The following ZMYND19 variants were observed in gnomAD, a reference collection of about 807,000 sequenced individuals.
ZMYND19 encodes the protein zinc finger MYND domain-containing protein 19.
ZMYND19 carries 17 observed loss-of-function variants against 32.0 expected under a neutral mutation model. The observed-to-expected ratio is 0.53, with a 90% CI of 0.36 to 0.80. The LOEUF is 0.80. Ranked by LOEUF, ZMYND19 falls within the 30% of genes least tolerant of loss-of-function variation. The pLI, the probability that ZMYND19 is intolerant of heterozygous loss-of-function variation, is 0.00. For synonymous variants in ZMYND19, 124 were observed against 113.6 expected (o/e 1.09, Z -0.58); for missense variants, 250 against 293.6 (o/e 0.85, Z 1.09).
rs1320548254 is a variant in ZMYND19, at chr9:137,590,173, C to CGGGCG, written c.51+35_51+39dup. 3.4e-5 allele frequency: 35 copies of CGGGCG among 1,015,338 alleles called. No individual in the cohort carries two copies. Among genetic ancestry groups the CGGGCG allele is most frequent in the Non-Finnish European group, 4.0e-5 (34 of 856,826 alleles). 62.9% of individuals were successfully genotyped at this position (1,015,338 alleles called of 1,614,324 possible). ...CCCCGGCCCCGCGCGGAGGCCTGGA[C>CGGGCG]GGGCGAGACGGGCCGGGTCGCGGGC... On this transcript the variant is annotated intron_variant, in intron 1 of 5. Coordinates refer to ENST00000298585, the MANE Select transcript of ZMYND19 (RefSeq NM_138462.3). This position sits in a 1 kb window ranked among gnomAD's most constrained non-coding sequence, Gnocchi z 4.2.
chr9:137,585,763 C>A lies in ZMYND19; in HGVS notation c.359+1204G>T, dbSNP rs540359548. On this transcript the variant is annotated intron_variant, in intron 4 of 5. Coordinates refer to ENST00000298585, the MANE Select transcript of ZMYND19 (RefSeq NM_138462.3). ...CTGTTTCCACCTCGGCTGCCCAGGGCTCTGGCATGACTCTGAGGTGACAAC... is the reference window on the plus strand; with the variant it reads ...CTGTTTCCACCTCGGCTGCCCAGGGATCTGGCATGACTCTGAGGTGACAAC... Among the ~76,000 whole-genome samples the A allele has an allele frequency of 1.4e-4, 21 of 152,322 alleles. No homozygotes were observed. The East Asian group carries it at 3.7e-3, about 27-fold the overall frequency.
At chr9:137,589,253 G>A (rs1031561053) in intron 1 of ZMYND19, 22 of 831,698 alleles carry the variant, frequency 2.6e-5, no homozygotes, top group Non-Finnish European at 3.0e-5. Flanking sequence ...CGACCTGACT[G>A]GAGAGCCCAC....
rs1400610339 is a variant in ZMYND19, at chr9:137,587,063, T to C, written c.263A>G (p.His88Arg). ...ATTGTCCACGGTCACAGCGTTGAGG[T>C]GCACCACCTGGAAGCCCGGGGCCAC... ...GGVAPGFQVV[H>R]LNAVTVDNRL... Residue 88 changes from histidine to arginine, a missense_variant, in exon 4 of 6, where the codon CAC becomes CGC. By Grantham distance (29) the His-to-Arg change is conservative. Transcript: ENST00000298585. 2 of 1,610,244 alleles carry C rather than the reference T, an allele frequency of 1.2e-6. No individual in the cohort carries two copies. The highest frequency in any genetic ancestry group is 1.7e-6 in the Non-Finnish European group (2 of 1,180,008).
intron 5 of ZMYND19, 93 bp downstream of exon 5, chr9:137,582,890 A>T: frequency 1.3e-6 from 2 of 1,553,160 alleles, no homozygotes; most frequent in Non-Finnish European, 1.7e-6. Context: ...GTCTCTGGGG[A>T]ATGGGACCCC....
chr9:137,582,446 T>A lies in ZMYND19; in HGVS notation c.*97A>T. 1 of 1,510,728 alleles carries A rather than the reference T, an allele frequency of 6.6e-7. No homozygotes were observed. The highest frequency in any genetic ancestry group is 8.8e-7 in the Non-Finnish European group (1 of 1,129,978). The allele number at this position is 1,510,728 out of a possible 1,614,324, so 93.6% of individuals were successfully genotyped here. On this transcript the variant is annotated 3_prime_UTR_variant, in exon 6 of 6. Transcript: ENST00000298585. Reference sequence around the variant, plus strand: ...ACGGCAGCTGTCCTGGGCCCGCAGCTGGCTTTTTTGGCACCTCCAGGTTCA... The same window carrying A: ...ACGGCAGCTGTCCTGGGCCCGCAGCAGGCTTTTTTGGCACCTCCAGGTTCA...
intron 2 of ZMYND19, among the ~76,000 whole-genome samples, chr9:137,588,427 A>C (rs1188389615): frequency 4.0e-5 from 6 of 151,018 alleles, no homozygotes; most frequent in Non-Finnish European, 8.8e-5. Flanking sequence ...AGTGAGGAAG[A>C]CCACTGTCGC....
At chr9:137,582,875 A>G (rs1488881557) in intron 5 of ZMYND19, 108 bp downstream of exon 5, 7 of 1,531,698 alleles carry the variant, frequency 4.6e-6, no homozygotes, top group South Asian at 1.2e-5. Flanking sequence ...AAGAGGTGCT[A>G]AGCGGTCTCT....
intron 1 of ZMYND19, chr9:137,589,483 C>T (rs1842244695): frequency 1.0e-6 from 1 of 985,482 alleles, no homozygotes; most frequent in Non-Finnish European, 1.2e-6. Context: ...GGGCTCCCAT[C>T]CGGGTAAGGA....
At chr9:137,582,774 C>G (rs1842161906) in intron 5 of ZMYND19, 88 bp from the exon 6 acceptor site, 3 of 1,550,858 alleles carry the variant, frequency 1.9e-6, no homozygotes, top group Non-Finnish European at 2.6e-6. Flanking sequence ...TCTGACGGAC[C>G]CAGCAAAACA....
At chr9:137,583,725 T>G (rs546882489) in intron 4 of ZMYND19, among the ~76,000 whole-genome samples, 3 of 152,228 alleles carry the variant, frequency 2.0e-5, no homozygotes, top group Non-Finnish European at 4.4e-5. Context: ...CCAACCCCGT[T>G]CTCCGAAGCC....
chr9:137,583,417 G>C lies in ZMYND19; in HGVS notation c.360-254C>G, dbSNP rs144741278. ...AGCACCTGGGACTGACAGGCACACA[G>C]TAGGCAGGAGACAGGGCCCAGGTCA... On this transcript the variant is annotated intron_variant, in intron 4 of 5. Transcript: ENST00000298585. 1.6e-4 allele frequency among the ~76,000 whole-genome samples: 24 copies of C among 152,318 alleles called. 1 individual carries two copies. The East Asian group carries it at 4.6e-3, about 29-fold the overall frequency.
At chr9:137,587,872 CA>C (rs1564491667) in intron 2 of ZMYND19, 49 bp from the exon 3 acceptor site, 10 of 1,549,736 alleles carry the variant, frequency 6.5e-6, no homozygotes, top group Non-Finnish European at 8.9e-6. Context: ...CAATTCTCAG[CA>C]ACACTTCAAT....
chr9:137,588,824 T>C (rs1196725500), intron 1 of ZMYND19, 106 bp from the exon 2 acceptor site: 2 of 1,354,786 alleles, frequency 1.5e-6, no homozygotes, highest in Non-Finnish European at 2.1e-6. Flanking sequence ...TCCTGTGAAG[T>C]GGAAAGTAAC....
Position 137,590,062 on chromosome 9 carries a change from C to G in ZMYND19, c.51+151G>C. The G allele has an allele frequency of 1.0e-6, 1 of 983,984 alleles. No homozygotes were observed. Among genetic ancestry groups the G allele is most frequent in the Non-Finnish European group, 1.2e-6 (1 of 829,302 alleles). 61.0% of individuals were successfully genotyped at this position (983,984 alleles called of 1,614,324 possible). On this transcript the variant is annotated intron_variant, in intron 1 of 5. Coordinates refer to ENST00000298585, the MANE Select transcript of ZMYND19 (RefSeq NM_138462.3). The surrounding 1 kb of genome is among the most constrained non-coding windows in gnomAD (Gnocchi z 4.2). ...GGAAGCTGCACCCGCGCGGGGCCAG[C>G]AGCCGGGCCCGCGCAGCGTCCCCCG... is the stretch of plus-strand genomic sequence containing the variant.
intron 3 of ZMYND19, chr9:137,587,442 G>C: frequency 1.7e-6 from 1 of 593,040 alleles, no homozygotes; most frequent in South Asian, 2.1e-5. Context: ...ACACCGGGGG[G>C]GCTCGGCAAA....
chr9:137,588,135 G>A (rs989785566), intron 2 of ZMYND19, among the ~76,000 whole-genome samples: 1 of 152,228 alleles, frequency 6.6e-6, no homozygotes, highest in Non-Finnish European at 1.5e-5. Context: ...GAACCCCCTG[G>A]AGAGGTCACT....
intron 5 of ZMYND19, 44 bp downstream of exon 5, chr9:137,582,939 A>G (rs1180599154): frequency 6.9e-6 from 11 of 1,603,020 alleles, no homozygotes; most frequent in Non-Finnish European, 8.5e-6. Context: ...GCTGGGCTAC[A>G]GGGTAGAGGT....
intron 4 of ZMYND19, 91 bp from the exon 5 acceptor site, chr9:137,583,254 T>C: frequency 1.4e-6 from 2 of 1,429,664 alleles, no homozygotes; most frequent in Non-Finnish European, 1.9e-6. Context: ...AGTGCCATCC[T>C]GCCCAGGACA....
Position 137,590,300 on chromosome 9 carries a change from CT to C in ZMYND19, c.-38del. 1 of 1,040,230 alleles carries C rather than the reference CT, an allele frequency of 9.6e-7. No individual in the cohort carries two copies. The highest frequency in any genetic ancestry group is 3.7e-5 in the South Asian group (1 of 26,904). The allele number at this position is 1,040,230 out of a possible 1,614,324, so 64.4% of individuals were successfully genotyped here. On this transcript the variant is annotated 5_prime_UTR_variant, in exon 1 of 6. Transcript: ENST00000298585. The surrounding 1 kb of genome is among the most constrained non-coding windows in gnomAD (Gnocchi z 4.2). ...CGCTCTCGGCCGGCAGCGCCGCTCC[CT>C]CGGGAGGCGCCGAGCGGGGGCCGGG...
Sources: allele counts gnomAD v4.1 joint callset (sites outside exome capture counted in the v4.1 genomes callset), GRCh38; gene constraint gnomAD v4.1.1; non-coding constraint Gnocchi (gnomAD v3.1); transcripts MANE v1.5; gene names NCBI Gene and HGNC (gene_info 2026-07-23, HGNC 2026-07-21).